CCDC15: variants seen among roughly 807,000 people sequenced by gnomAD.
The protein encoded by CCDC15 is coiled-coil domain-containing protein 15.
A neutral mutation model predicts 114.5 loss-of-function variants in CCDC15; 105 were observed. That is an observed-to-expected ratio of 0.92 (90% confidence interval 0.78 to 1.08). The LOEUF (loss-of-function observed/expected upper bound fraction) is 1.08, where lower values mean the gene tolerates loss of function less well. CCDC15 is among the 50% of genes least tolerant of loss of function. The pLI, the probability that CCDC15 is intolerant of heterozygous loss-of-function variation, is 0.00. For missense variants in CCDC15, 1,105 were observed against 1,093.6 expected (o/e 1.01, Z -0.15); for synonymous variants, 334 against 377.8 (o/e 0.88, Z 1.34).
Position 124,975,097 on chromosome 11 carries a change from T to C in CCDC15, c.518T>C (p.Leu173Pro), listed in dbSNP as rs748143058. Residue 173 changes from leucine to proline, a missense_variant and splice_region_variant, in exon 5 of 16, where the codon CTT (leucine) becomes CCT (proline). By Grantham distance (98) the Leu-to-Pro change is moderately conservative. Coordinates refer to ENST00000344762, the MANE Select transcript of CCDC15 (RefSeq NM_025004.3). ...CTTTCTTCCCCCTTTCCCTGGCAGC[T>C]TAGTGAAACTATGAAACAGGCACGT... ...NELFQQQAQA[L>P]SETMKQARHR... The C allele has an allele frequency of 2.5e-6, 4 of 1,570,028 alleles. No homozygotes were observed. Among genetic ancestry groups the C allele is most frequent in the African/African-American group, 2.8e-5 (2 of 71,910 alleles).
chr11:125,018,507 T>TA (rs1296409772), intron 13 of CCDC15, among the ~76,000 whole-genome samples: 1 of 152,072 alleles, frequency 6.6e-6, no homozygotes, highest in East Asian at 1.9e-4. Flanking sequence ...TATTTAGTAT[T>TA]ACAAGATAAT....
At chr11:124,976,177 A>T (rs924087038) in intron 5 of CCDC15, among the ~76,000 whole-genome samples, 6 of 149,980 alleles carry the variant, frequency 4.0e-5, no homozygotes, top group Non-Finnish European at 8.9e-5. Flanking sequence ...TTTACTTCCT[A>T]ATTAGTATAC....
intron 4 of CCDC15, among the ~76,000 whole-genome samples, chr11:124,969,149 C>T (rs1947836521): frequency 6.6e-6 from 1 of 152,172 alleles, no homozygotes; most frequent in African/African-American, 2.4e-5. Context: ...AATAGGACCT[C>T]AAAAACAACA....
chr11:125,001,278 A>G (rs1326801761), intron 11 of CCDC15, among the ~76,000 whole-genome samples: 1 of 152,346 alleles, frequency 6.6e-6, no homozygotes, highest in East Asian at 1.9e-4. Flanking sequence ...GGATGACTCA[A>G]ATTTTTCACA....
intron 13 of CCDC15, among the ~76,000 whole-genome samples, chr11:125,022,895 A>G (rs527661487): frequency 2.0e-5 from 3 of 151,944 alleles, no homozygotes; most frequent in African/African-American, 7.2e-5. Flanking sequence ...AAAGTTCTTT[A>G]CATACTTTTT....
chr11:125,034,470 A>C (rs537541039), intron 13 of CCDC15, among the ~76,000 whole-genome samples: 33 of 152,302 alleles, frequency 2.2e-4, no homozygotes, highest in Admixed American at 7.2e-4. Flanking sequence ...ACTCTTACTC[A>C]GGGCAATCTT....
In CCDC15 at chr11:125,038,579, C is replaced by T; in HGVS notation, c.2560C>T (p.Gln854Ter). 6.4e-7 allele frequency: 1 copy of T among 1,569,886 alleles called. No homozygotes were observed. Among genetic ancestry groups the T allele is most frequent in the Non-Finnish European group, 8.6e-7 (1 of 1,161,514 alleles). ...LQEIKGTREK[Q>*]QREKEYLRYV... ...AGAAATAAAAGGAACCAGAGAAAAA[C>T]AACAGAGAGAAAAAGAATACCTGAG... Residue 854 changes from glutamine to a stop codon, truncating the protein, a stop_gained, in exon 14 of 16, where the codon CAA becomes TAA. Coordinates refer to ENST00000344762, the MANE Select transcript of CCDC15 (RefSeq NM_025004.3). LOFTEE classifies it high-confidence loss of function.
At chr11:124,964,019 G>A (rs1342435608) in intron 4 of CCDC15, among the ~76,000 whole-genome samples, 1 of 152,196 alleles carries the variant, frequency 6.6e-6, no homozygotes, top group Non-Finnish European at 1.5e-5. Flanking sequence ...TTTGGTACCA[G>A]TACCATGCTG....
intron 13 of CCDC15, among the ~76,000 whole-genome samples, chr11:125,025,574 TAAA>T (rs10610685): frequency 0.2 from 30,767 of 151,812 alleles, 3,689 homozygotes; most frequent in African/African-American, 0.34. Flanking sequence ...GAAAGATTCT[TAAA>T]AACTATATTT....
intron 6 of CCDC15, among the ~76,000 whole-genome samples, chr11:124,982,567 A>C (rs1161814321): frequency 2.6e-5 from 4 of 152,136 alleles, no homozygotes; most frequent in African/African-American, 9.7e-5. Flanking sequence ...GCTGGATGTG[A>C]AATTCTTGGT....
At chr11:124,985,878 CT>C (rs1948149291) in intron 6 of CCDC15, among the ~76,000 whole-genome samples, 3 of 151,842 alleles carry the variant, frequency 2.0e-5, no homozygotes, top group Non-Finnish European at 4.4e-5. Context: ...TTAGTCACTT[CT>C]TTTTTTCTTA....
At chr11:124,973,955 A>G (rs945122772) in intron 4 of CCDC15, among the ~76,000 whole-genome samples, 6 of 152,058 alleles carry the variant, frequency 3.9e-5, no homozygotes, top group African/African-American at 1.4e-4. Context: ...TACAGTGCTT[A>G]TCTTTATTTT....
intron 15 of CCDC15, 33 bp from the exon 16 acceptor site, chr11:125,040,557 T>A (rs1948808757): frequency 6.4e-7 from 1 of 1,573,648 alleles, no homozygotes; most frequent in Non-Finnish European, 8.6e-7. Flanking sequence ...AGAATTTGAC[T>A]TTATTCATTG....
At chr11:125,007,487 A>G (rs1948561015) in intron 13 of CCDC15, among the ~76,000 whole-genome samples, 1 of 152,196 alleles carries the variant, frequency 6.6e-6, no homozygotes, top group African/African-American at 2.4e-5. Flanking sequence ...TGTTGAAGAC[A>G]CTTAGGTTGA....
rs562531958 is a variant in CCDC15, at chr11:125,029,053, C to T, written c.2412-9378C>T. 1.2e-4 allele frequency among the ~76,000 whole-genome samples: 18 copies of T among 152,222 alleles called. No homozygotes were observed. The South Asian group carries it at 2.5e-3, about 21-fold the overall frequency. On this transcript the variant is annotated intron_variant, in intron 13 of 15. Transcript: ENST00000344762. Reference sequence around the variant, plus strand: ...TTGAGGGCAGGAAGCATTCAGCACACGAGAAAGATATAGTCTGGGAGGCTA... The same window carrying T: ...TTGAGGGCAGGAAGCATTCAGCACATGAGAAAGATATAGTCTGGGAGGCTA...
At chr11:124,969,424 G>A (rs530878076) in intron 4 of CCDC15, among the ~76,000 whole-genome samples, 1 of 152,222 alleles carries the variant, frequency 6.6e-6, no homozygotes, top group South Asian at 2.1e-4. Flanking sequence ...CGGCATTTTG[G>A]TGAGGAATTG....
intron 13 of CCDC15, among the ~76,000 whole-genome samples, chr11:125,030,710 T>C (rs1948732601): frequency 6.6e-6 from 1 of 152,202 alleles, no homozygotes; most frequent in African/African-American, 2.4e-5. Context: ...CAGCAGTGGC[T>C]GTAGCCAGGT....
chr11:125,003,129 G>A (rs1948505399), intron 11 of CCDC15, among the ~76,000 whole-genome samples: 1 of 151,758 alleles, frequency 6.6e-6, no homozygotes, highest in African/African-American at 2.4e-5. Context: ...AAATTTCTAA[G>A]TGTTTTCTTC....
At chr11:124,998,801 G>A (rs982636597) in intron 11 of CCDC15, among the ~76,000 whole-genome samples, 4 of 148,622 alleles carry the variant, frequency 2.7e-5, no homozygotes, top group African/African-American at 1.0e-4. Context: ...GCAGTGGTGT[G>A]ATCTCAGCTC....
Sources: gnomAD v4.1 joint callset for allele counts (sites outside exome capture counted in the v4.1 genomes callset) on GRCh38, gnomAD v4.1.1 for gene constraint, MANE v1.5 for transcripts, NCBI Gene and HGNC (gene_info 2026-07-23, HGNC 2026-07-21) for gene names.